The following LHFPL6 variants were observed in gnomAD, a reference collection of about 807,000 sequenced individuals.
The protein encoded by LHFPL6 is LHFPL tetraspan subfamily member 6 protein.
In LHFPL6, 9 loss-of-function variants were observed where a neutral mutation model predicts 20.6. That is an observed-to-expected ratio of 0.44 (90% CI 0.26 to 0.76). The LOEUF (loss-of-function observed/expected upper bound fraction) is 0.76. Among genes scored for constraint, LHFPL6 ranks in the 30% least tolerant of loss-of-function variants. LHFPL6 has a pLI of 0.20. For synonymous variants in LHFPL6, 105 were observed against 98.7 expected, an observed-to-expected ratio of 1.06 and a Z score of -0.38; for missense variants, 218 against 253.5, an observed-to-expected ratio of 0.86 and a Z score of 0.95.
intron 2 of LHFPL6, among the ~76,000 whole-genome samples, chr13:39,395,560 A>G (rs1870820318): frequency 6.6e-6 from 1 of 152,170 alleles, no homozygotes; most frequent in African/African-American, 2.4e-5. Flanking sequence ...GCCTGGGCAA[A>G]CTATTCCCAA....
chr13:39,543,832 T>G (rs1242626650), intron 2 of LHFPL6, among the ~76,000 whole-genome samples: 1 of 152,172 alleles, frequency 6.6e-6, no homozygotes, highest in Non-Finnish European at 1.5e-5. Context: ...GTTATAAAAT[T>G]GCATAATGCC....
At chr13:39,554,330 C>T (rs753876832) in intron 2 of LHFPL6, among the ~76,000 whole-genome samples, 9 of 152,156 alleles carry the variant, frequency 5.9e-5, no homozygotes, top group Non-Finnish European at 1.5e-5. Flanking sequence ...CATTCTTTTG[C>T]CTCTTTAATA....
chr13:39,514,518 G>A lies in LHFPL6; in HGVS notation c.385+86314C>T, dbSNP rs139000831. 7.4e-3 allele frequency among the ~76,000 whole-genome samples: 1,131 copies of A among 152,270 alleles called. 18 individuals carry two copies. Among genetic ancestry groups the A allele is most frequent in the Admixed American group, 0.038 (578 of 15,304 alleles). ...CAGCTTATCATTCTGATCCAGTCAC[G>A]AATGAGCACCACAATAATCTAGGCA... On this transcript the variant is annotated intron_variant, in intron 2 of 3. Transcript: ENST00000379589.
At chr13:39,470,562 C>T (rs56774016) in intron 2 of LHFPL6, among the ~76,000 whole-genome samples, 20,590 of 151,982 alleles carry the variant, frequency 0.14, 1,542 homozygotes, top group South Asian at 0.23. Context: ...TGTAATGTAT[C>T]GCATTTCATC....
At position 39,343,816 on chromosome 13, in the gene LHFPL6, T is replaced by C. The variant is rs999902710; in HGVS notation, c.*120A>G. ...TGTTCCTGATTTTATCGGGTTTCAT[T>C]TTATTAGCATTGTATTGGATTAGAA... On this transcript the variant is annotated 3_prime_UTR_variant, in exon 4 of 4. Transcript: ENST00000379589. 5 of 623,332 alleles carry C rather than the reference T, an allele frequency of 8.0e-6. No homozygotes were observed. Among genetic ancestry groups the C allele is most frequent in the Non-Finnish European group, 1.1e-5 (4 of 365,212 alleles). The allele number at this position is 623,332 out of a possible 1,614,324, so 38.6% of individuals were successfully genotyped here. A position where few individuals can be genotyped will look rare whatever the true frequency, so the allele number is the denominator to read the frequency against.
chr13:39,545,599 G>A (rs1870956518), intron 2 of LHFPL6, among the ~76,000 whole-genome samples: 1 of 152,038 alleles, frequency 6.6e-6, no homozygotes, highest in African/African-American at 2.4e-5. Flanking sequence ...TTGGTTACAG[G>A]ATCCTTGCAG....
intron 2 of LHFPL6, among the ~76,000 whole-genome samples, chr13:39,425,598 T>C (rs1871616115): frequency 6.6e-6 from 1 of 152,220 alleles, no homozygotes; most frequent in African/African-American, 2.4e-5. Flanking sequence ...TAGTGTATTG[T>C]GGTTTTTGAT....
In LHFPL6 at chr13:39,558,386, G is replaced by A. The variant is rs144127067; in HGVS notation, c.385+42446C>T. Among the ~76,000 whole-genome samples the A allele has an allele frequency of 2.3e-3, 357 of 152,246 alleles. 2 individuals are homozygous for A. Among genetic ancestry groups the A allele is most frequent in the African/African-American group, 7.8e-3 (325 of 41,542 alleles). The stretch of plus-strand genomic sequence containing the variant: ...AGCAGTTACTAAATAAATATTAGGT[G>A]TTAATTACCCTTTCTCCACCATCTC... On this transcript the variant is annotated intron_variant, in intron 2 of 3. Transcript: ENST00000379589.
At chr13:39,462,038 C>A (rs150388687) in intron 2 of LHFPL6, among the ~76,000 whole-genome samples, 1 of 152,190 alleles carries the variant, frequency 6.6e-6, no homozygotes, top group South Asian at 2.1e-4. Context: ...CATCTTGGGG[C>A]AGTGCTTAGC....
chr13:39,393,033 G>A (rs959258544), intron 2 of LHFPL6, among the ~76,000 whole-genome samples: 2 of 152,106 alleles, frequency 1.3e-5, no homozygotes, highest in East Asian at 3.9e-4. Context: ...GGTATTACAA[G>A]TAATCTGGAG....
At chr13:39,519,959 A>G (rs1870054099) in intron 2 of LHFPL6, among the ~76,000 whole-genome samples, 1 of 152,212 alleles carries the variant, frequency 6.6e-6, no homozygotes, top group Admixed American at 6.5e-5. Flanking sequence ...CACCAGATGT[A>G]GGGATTCATA....
At chr13:39,453,125 T>C (rs1872491785) in intron 2 of LHFPL6, among the ~76,000 whole-genome samples, 1 of 152,082 alleles carries the variant, frequency 6.6e-6, no homozygotes, top group East Asian at 1.9e-4. Context: ...AGAAGGCCGT[T>C]CTTTTTTTGG....
chr13:39,417,201 A>C (rs1484293957), intron 2 of LHFPL6, among the ~76,000 whole-genome samples: 1 of 152,014 alleles, frequency 6.6e-6, no homozygotes, highest in Non-Finnish European at 1.5e-5. Context: ...ACAGGACTGG[A>C]CTCTACCAAA....
At chr13:39,434,249 T>C (rs1275917277) in intron 2 of LHFPL6, among the ~76,000 whole-genome samples, 2 of 152,238 alleles carry the variant, frequency 1.3e-5, no homozygotes, top group Admixed American at 6.5e-5. Context: ...TAGTCTTGTT[T>C]TGCCTTTACA....
intron 2 of LHFPL6, among the ~76,000 whole-genome samples, chr13:39,552,401 T>C (rs576502690): frequency 3.3e-5 from 5 of 152,064 alleles, no homozygotes; most frequent in Admixed American, 3.3e-4. Context: ...TAAACCATTG[T>C]TGGACAGTGA....
chr13:39,410,156 A>T (rs1871213734), intron 2 of LHFPL6, among the ~76,000 whole-genome samples: 1 of 152,230 alleles, frequency 6.6e-6, no homozygotes, highest in Non-Finnish European at 1.5e-5. Context: ...TATCATCTGA[A>T]GAAAAAATTT....
intron 2 of LHFPL6, among the ~76,000 whole-genome samples, chr13:39,505,512 C>T (rs1474109972): frequency 6.6e-6 from 1 of 151,190 alleles, no homozygotes; most frequent in East Asian, 1.9e-4. Flanking sequence ...AAAAAAAACA[C>T]ATGAAGGGCT....
At chr13:39,509,029 T>C (rs1869592870) in intron 2 of LHFPL6, among the ~76,000 whole-genome samples, 1 of 152,174 alleles carries the variant, frequency 6.6e-6, no homozygotes, top group Admixed American at 6.5e-5. Flanking sequence ...CTTTTTAACT[T>C]TAGTCATTCT....
chr13:39,446,410 T>C (rs577983763), intron 2 of LHFPL6, among the ~76,000 whole-genome samples: 8 of 152,216 alleles, frequency 5.3e-5, no homozygotes, highest in Non-Finnish European at 8.8e-5. Context: ...GCTCTCCCGA[T>C]GTACAGCTGG....
Sources: gnomAD v4.1 joint callset for allele counts (sites outside exome capture counted in the v4.1 genomes callset) on GRCh38, gnomAD v4.1.1 for gene constraint, MANE v1.5 for transcripts, NCBI Gene and HGNC (gene_info 2026-07-23, HGNC 2026-07-21) for gene names.